The following TOP6BL variants were observed in gnomAD, a reference collection of about 807,000 sequenced individuals.
TOP6BL encodes TOP6B like initiator of meiotic double strand breaks, also known as type 2 DNA topoisomerase 6 subunit B-like.
chr11:66,745,634 G>C, the TOP6BL span, among the ~76,000 whole-genome samples: 1 of 152,210 alleles, frequency 6.6e-6, no homozygotes, highest in Non-Finnish European at 1.5e-5. Context: ...GCACCTGAGA[G>C]AGTACCCCCG....
At chr11:66,841,925 G>A in the TOP6BL span, among the ~76,000 whole-genome samples, 1 of 152,294 alleles carries the variant, frequency 6.6e-6, no homozygotes, top group Middle Eastern at 3.4e-3. Flanking sequence ...TCAAAACCCA[G>A]CTCTGGGGCA....
chr11:66,824,399 C>A, the TOP6BL span, among the ~76,000 whole-genome samples: 1 of 148,916 alleles, frequency 6.7e-6, no homozygotes, highest in African/African-American at 2.5e-5. Context: ...GCATGCACCA[C>A]CATGCCTGGC....
the TOP6BL span, chr11:66,816,231 G>T: frequency 6.3e-7 from 1 of 1,588,046 alleles, no homozygotes; most frequent in Non-Finnish European, 8.6e-7. Context: ...TGCCAGCTGG[G>T]GTGTGCCAAA....
At chr11:66,833,331 G>C in the TOP6BL span, among the ~76,000 whole-genome samples, 2 of 152,122 alleles carry the variant, frequency 1.3e-5, no homozygotes, top group Non-Finnish European at 2.9e-5. Context: ...TTACAGGCAG[G>C]TAATTAGGGA....
At chr11:66,747,309 G>T in the TOP6BL span, among the ~76,000 whole-genome samples, 2 of 152,164 alleles carry the variant, frequency 1.3e-5, no homozygotes, top group Admixed American at 1.3e-4. Context: ...TACTGCATTA[G>T]AACTTAGAAA....
the TOP6BL span, among the ~76,000 whole-genome samples, chr11:66,750,703 C>CT: frequency 8.4e-3 from 1,246 of 148,460 alleles, 17 homozygotes; most frequent in East Asian, 0.095. Context: ...GTTGTTGTAT[C>CT]TTTTTTTTTT....
At chr11:66,828,361 G>A in the TOP6BL span, 1 of 1,607,730 alleles carries the variant, frequency 6.2e-7, no homozygotes, top group Non-Finnish European at 8.5e-7. Context: ...GTGAGGTGAA[G>A]CAGGTAAGTG....
At chr11:66,746,145 A>G in the TOP6BL span, among the ~76,000 whole-genome samples, 3 of 152,176 alleles carry the variant, frequency 2.0e-5, no homozygotes, top group African/African-American at 7.2e-5. Context: ...GTGTGAAGGA[A>G]TAGTTAGACT....
the TOP6BL span, among the ~76,000 whole-genome samples, chr11:66,785,859 C>G: frequency 6.6e-6 from 1 of 152,158 alleles, no homozygotes; most frequent in Admixed American, 6.5e-5. Flanking sequence ...AGTATTAGCT[C>G]TATGTTTTTT....
At chr11:66,772,462 C>A in the TOP6BL span, among the ~76,000 whole-genome samples, 1 of 149,864 alleles carries the variant, frequency 6.7e-6, no homozygotes, top group African/African-American at 2.5e-5. Flanking sequence ...CAGAGCAAGA[C>A]CCTATCTCAA....
the TOP6BL span, among the ~76,000 whole-genome samples, chr11:66,761,055 C>G: frequency 6.8e-6 from 1 of 146,412 alleles, no homozygotes; most frequent in African/African-American, 2.5e-5. Flanking sequence ...ATACAAAAAT[C>G]TAGAAATAAT....
chr11:66,814,529 C>A, the TOP6BL span, among the ~76,000 whole-genome samples: 42 of 152,244 alleles, frequency 2.8e-4, no homozygotes, highest in African/African-American at 5.3e-4. Flanking sequence ...TCTCAAAGTG[C>A]TGGTATTACA....
the TOP6BL span, chr11:66,822,810 C>T: frequency 1.6e-6 from 1 of 631,062 alleles, no homozygotes; most frequent in East Asian, 2.8e-5. Flanking sequence ...TTGACACCAG[C>T]CTGGGCAACA....
At chr11:66,786,307 A>AG in the TOP6BL span, among the ~76,000 whole-genome samples, 1 of 152,174 alleles carries the variant, frequency 6.6e-6, no homozygotes, top group Admixed American at 6.6e-5. Context: ...TAAAAAAAAA[A>AG]AAAAATTTCT....
At chr11:66,813,482 C>G in the TOP6BL span, among the ~76,000 whole-genome samples, 3 of 152,132 alleles carry the variant, frequency 2.0e-5, no homozygotes, top group Admixed American at 1.3e-4. Context: ...CGCCTGTAAT[C>G]CCAGCACTTT....
the TOP6BL span, among the ~76,000 whole-genome samples, chr11:66,819,485 A>G: frequency 4.7e-4 from 71 of 152,190 alleles, no homozygotes; most frequent in Non-Finnish European, 2.4e-4. Context: ...AAAACACTTC[A>G]TGGGCTAGGC....
chr11:66,822,600 G>C, the TOP6BL span: 1 of 1,552,934 alleles, frequency 6.4e-7, no homozygotes, highest in Non-Finnish European at 8.7e-7. Flanking sequence ...CTCAGTGGCT[G>C]TGAACTCCAT....
the TOP6BL span, among the ~76,000 whole-genome samples, chr11:66,753,732 T>A: frequency 6.8e-6 from 1 of 147,014 alleles, no homozygotes; most frequent in Admixed American, 6.9e-5. Context: ...TAAGACAGAG[T>A]CTCATTCTGT....
At chr11:66,820,956 G>A in the TOP6BL span, among the ~76,000 whole-genome samples, 1 of 152,260 alleles carries the variant, frequency 6.6e-6, no homozygotes, top group South Asian at 2.1e-4. Flanking sequence ...ATATGTAGGG[G>A]TCTCTTCTTC....
Sources: gnomAD v4.1 joint callset for allele counts (sites outside exome capture counted in the v4.1 genomes callset) on GRCh38, gnomAD v4.1.1 for gene constraint, MANE v1.5 for transcripts, NCBI Gene and HGNC (gene_info 2026-07-23, HGNC 2026-07-21) for gene names.